The following MLLT10 variants were observed in gnomAD, a reference collection of about 807,000 sequenced individuals.
MLLT10 encodes protein AF-10.
In MLLT10, 30 loss-of-function variants were observed where a neutral mutation model predicts 129.1. That is an observed-to-expected ratio of 0.23 (90% confidence interval 0.17 to 0.32). The LOEUF (loss-of-function observed/expected upper bound fraction) is 0.32, where lower values mean the gene tolerates loss of function less well. MLLT10 is among the 10% of genes least tolerant of loss of function. The probability of loss-of-function intolerance (pLI) is 1.00; values close to 1 mark genes in which losing one functional copy is unlikely to be tolerated. For synonymous variants in MLLT10, 490 were observed against 446.4 expected (o/e 1.10, Z -1.23); for missense variants, 1,119 against 1,268.3 (o/e 0.88, Z 1.79).
At chr10:21,646,922 C>A (rs2048543617) in intron 8 of MLLT10, among the ~76,000 whole-genome samples, 1 of 147,992 alleles carries the variant, frequency 6.8e-6, no homozygotes, top group Non-Finnish European at 1.5e-5. Flanking sequence ...GTGGCGTGAT[C>A]TGGGCTCACT....
At chr10:21,626,371 AC>A in intron 8 of MLLT10, 4 of 645,840 alleles carry the variant, frequency 6.2e-6, no homozygotes, top group Non-Finnish European at 8.2e-6. Context: ...CACGCGTGCC[AC>A]CCCCCAAGTC....
chr10:21,596,639 A>C (rs2043041160), intron 5 of MLLT10, among the ~76,000 whole-genome samples: 1 of 152,100 alleles, frequency 6.6e-6, no homozygotes, highest in African/African-American at 2.4e-5. Flanking sequence ...TCTAGTAAAA[A>C]AAAAAAAAAA....
intron 3 of MLLT10, among the ~76,000 whole-genome samples, chr10:21,577,404 T>C (rs1455923202): frequency 6.6e-6 from 1 of 152,012 alleles, no homozygotes; most frequent in Non-Finnish European, 1.5e-5. Flanking sequence ...CTCTGTTTAA[T>C]CTTGAAAAAC....
At chr10:21,672,775 A>G (rs1008389265) in intron 10 of MLLT10, among the ~76,000 whole-genome samples, 12 of 152,160 alleles carry the variant, frequency 7.9e-5, no homozygotes, top group Non-Finnish European at 1.6e-4. Flanking sequence ...ATTTTCTATT[A>G]TGGTAGATTC....
chr10:21,593,159 A>G (rs2042678181), intron 4 of MLLT10, among the ~76,000 whole-genome samples: 1 of 151,778 alleles, frequency 6.6e-6, no homozygotes, highest in African/African-American at 2.4e-5. Context: ...CAGTGGCACA[A>G]TTACAGTTCA....
At chr10:21,585,191 T>C (rs1468528806) in intron 3 of MLLT10, among the ~76,000 whole-genome samples, 1 of 152,144 alleles carries the variant, frequency 6.6e-6, no homozygotes, top group African/African-American at 2.4e-5. Context: ...CCCAAAGTGC[T>C]GGGATTACAG....
chr10:21,617,724 C>T (rs1437382352), intron 8 of MLLT10, among the ~76,000 whole-genome samples: 1 of 152,154 alleles, frequency 6.6e-6, no homozygotes, highest in Non-Finnish European at 1.5e-5. Flanking sequence ...TGCCTAAATA[C>T]TAATCTGTCT....
chr10:21,534,580 G>A lies in MLLT10; in HGVS notation c.-1+60G>A. The A allele has an allele frequency of 1.1e-5, 17 of 1,525,488 alleles. No individual in the cohort carries two copies. The South Asian group carries it at 2.1e-4, about 19-fold the overall frequency. 94.5% of individuals were successfully genotyped at this position (1,525,488 alleles called of 1,614,324 possible). ...GGCGCCGGGGCGGGCTCGGGGGGCT[G>A]TGTGGGGGGGAAGCACTAATCGGCT... On this transcript the variant is annotated intron_variant, in intron 1 of 22. Coordinates refer to ENST00000307729, the MANE Select transcript of MLLT10 (RefSeq NM_001195626.3).
At chr10:21,589,508 T>C (rs1209663950) in intron 4 of MLLT10, among the ~76,000 whole-genome samples, 2 of 152,070 alleles carry the variant, frequency 1.3e-5, no homozygotes, top group Non-Finnish European at 2.9e-5. Flanking sequence ...TTCCATCTTA[T>C]TAAATATTTC....
Position 21,610,984 on chromosome 10 carries a change from CTTTTTTT to C in MLLT10, c.406-1350_406-1344del, listed in dbSNP as rs71393913. Among the ~76,000 whole-genome samples, 187 of 102,872 alleles carry C rather than the reference CTTTTTTT, an allele frequency of 1.8e-3. 3 individuals carry two copies. The East Asian group carries it at 0.037, about 20-fold the overall frequency. 67.5% of individuals were successfully genotyped at this position (102,872 alleles called of 152,430 possible). On this transcript the variant is annotated intron_variant, in intron 5 of 22. Transcript: ENST00000307729. ...ATCCTAGTTTTTCTTTCTTTTTTCT[CTTTTTTT>C]TTTTTTTTTTTTTCCTTTTTTTGAG...
At chr10:21,722,448 G>A (rs1330008908) in intron 14 of MLLT10, among the ~76,000 whole-genome samples, 1 of 152,156 alleles carries the variant, frequency 6.6e-6, no homozygotes, top group African/African-American at 2.4e-5. Context: ...CTGTAGAGAA[G>A]TATGTGTATG....
intron 3 of MLLT10, among the ~76,000 whole-genome samples, chr10:21,569,512 C>G (rs548808928): frequency 2.8e-4 from 43 of 151,846 alleles, no homozygotes; most frequent in African/African-American, 1.0e-3. Context: ...ACTCCACCTC[C>G]TGGGTTCAAG....
chr10:21,557,162 A>G (rs941328841), intron 3 of MLLT10: 26 of 1,344,564 alleles, frequency 1.9e-5, no homozygotes, highest in Non-Finnish European at 2.3e-5. Flanking sequence ...TGAAAAAATA[A>G]AACTAGTTGA....
chr10:21,548,893 C>T (rs557230570), intron 3 of MLLT10, among the ~76,000 whole-genome samples: 6 of 151,930 alleles, frequency 3.9e-5, no homozygotes, highest in Middle Eastern at 6.8e-3. Flanking sequence ...TGTAAAGATT[C>T]TCAGATTTTG....
intron 8 of MLLT10, among the ~76,000 whole-genome samples, chr10:21,648,853 A>G (rs944815854): frequency 6.6e-6 from 1 of 152,174 alleles, no homozygotes; most frequent in East Asian, 1.9e-4. Context: ...GCAGGAGACA[A>G]TGTGCAGGGG....
At chr10:21,701,873 G>A (rs894465342) in intron 13 of MLLT10, among the ~76,000 whole-genome samples, 67 of 152,132 alleles carry the variant, frequency 4.4e-4, no homozygotes, top group Non-Finnish European at 4.9e-4. Context: ...ACAGGCGTGA[G>A]CCACCGCACC....
At chr10:21,727,644 T>G (rs1366261099) in intron 15 of MLLT10, among the ~76,000 whole-genome samples, 1 of 152,186 alleles carries the variant, frequency 6.6e-6, no homozygotes, top group Admixed American at 6.6e-5. Context: ...ATCCATGGCC[T>G]TCTACACCCA....
chr10:21,739,626 G>A (rs2058668924), intron 21 of MLLT10, among the ~76,000 whole-genome samples: 1 of 152,192 alleles, frequency 6.6e-6, no homozygotes, highest in South Asian at 2.1e-4. Context: ...TGGAGTATAT[G>A]CTTGCTGTAG....
chr10:21,569,810 A>G (rs1161377710), intron 3 of MLLT10, among the ~76,000 whole-genome samples: 1 of 151,976 alleles, frequency 6.6e-6, no homozygotes, highest in Non-Finnish European at 1.5e-5. Flanking sequence ...TGGCACAATC[A>G]TGGCTCACTA....
Sources: gnomAD v4.1 joint callset for allele counts (sites outside exome capture counted in the v4.1 genomes callset) on GRCh38, gnomAD v4.1.1 for gene constraint, MANE v1.5 for transcripts, NCBI Gene and HGNC (gene_info 2026-07-23, HGNC 2026-07-21) for gene names.